Variants in TNXB observed in about 807,000 individuals in gnomAD.
TNXB encodes tenascin XB.
In TNXB, 183 loss-of-function variants were observed where a neutral mutation model predicts 340.5. That is an observed-to-expected ratio of 0.54 (90% CI 0.48 to 0.61). TNXB has a LOEUF of 0.61. TNXB is among the 20% of genes least tolerant of loss of function. The pLI is 0.00. For missense variants in TNXB, 4,613 were observed against 5,446.4 expected, an observed-to-expected ratio of 0.85 and a Z score of 4.82; for synonymous variants, 2,121 against 2,314.5, an observed-to-expected ratio of 0.92 and a Z score of 2.40.
At position 32,053,390 on chromosome 6, in the gene TNXB, G is replaced by A. The variant is rs1454202941; in HGVS notation, c.8789C>T (p.Thr2930Ile). 1.2e-6 allele frequency: 2 copies of A among 1,612,288 alleles called. No homozygotes were observed. The highest frequency in any genetic ancestry group is 1.7e-5 in the Admixed American group (1 of 60,010). ...TGGGGCTCCCATCGTACACTCACCT[G>A]TCACCCCAATGACAGAGATGGGGCC... ...RVGPISVIGV[T>I]AAEEETPAPT... is the part of the protein sequence containing the mutation. Residue 2930 changes from threonine to isoleucine, a missense_variant and splice_region_variant, in exon 25 of 44, where the codon ACA becomes ATA. Physicochemically the swap from Thr to Ile is moderately conservative, Grantham distance 89. Around this residue, in one of 7 missense-constraint regions of TNXB, gnomAD observed 4,327 missense variants for 4,859.4 expected, o/e 0.89. Transcript: ENST00000644971.
At position 32,081,485 on chromosome 6, in the gene TNXB, C is replaced by T; in HGVS notation, c.3925G>A (p.Gly1309Arg). The stretch of plus-strand genomic sequence containing the variant: ...GGGACAGTAACCTCATTCTCATCCC[C>T]CGCAACAGGCACTGCCTGGGGCTGC... ...QGQPQAVPVA[G>R]DENEVTVPGL... The change falls in exon 10 of 44, where the codon GGG becomes AGG. Residue 1309 changes from glycine (G) to arginine (R), a missense_variant. By Grantham distance (125) the Gly-to-Arg change is moderately radical (BLOSUM62 -2). This residue lies in a region of TNXB where 4,327 missense variants were observed against 4,859.4 expected (regional missense o/e 0.89). Coordinates refer to ENST00000644971, the MANE Select transcript of TNXB (RefSeq NM_001365276.2). This position sits in a 1 kb window ranked among gnomAD's most constrained non-coding sequence, Gnocchi z 5.1. 2.5e-6 allele frequency: 4 copies of T among 1,604,892 alleles called. No individual in the cohort carries two copies. Among genetic ancestry groups the T allele is most frequent in the Non-Finnish European group, 3.4e-6 (4 of 1,175,840 alleles).
In TNXB at chr6:32,097,017, C is replaced by T. The variant is rs1780440859; in HGVS notation, c.836G>A (p.Ser279Asn). ...GYTGDDCGMRSCPRGCSQRGR... is the reference protein window; with the variant it reads ...GYTGDDCGMRNCPRGCSQRGR... ...CCTCTGACTGCAACCGCGAGGGCAG[C>T]TCCTCATGCCACAGTCGTCACCAGT... The change falls in exon 3 of 44, where the codon AGC becomes AAC. Residue 279 changes from serine (S) to asparagine (N), a missense_variant. This residue lies in a region of TNXB where 4,327 missense variants were observed against 4,859.4 expected (regional missense o/e 0.89). Transcript: ENST00000644971. This position sits in a 1 kb window ranked among gnomAD's most constrained non-coding sequence, Gnocchi z 5.9. The T allele has an allele frequency of 1.2e-6, 2 of 1,612,570 alleles. No individual in the cohort carries two copies. The highest frequency in any genetic ancestry group is 1.7e-6 in the Non-Finnish European group (2 of 1,179,436).
rs1562783975 is a variant in TNXB, at chr6:32,047,159, G to A, written c.10324+575C>T. 2.0e-5 allele frequency among the ~76,000 whole-genome samples: 3 copies of A among 152,360 alleles called. No homozygotes were observed. Among genetic ancestry groups the A allele is most frequent in the Non-Finnish European group, 1.5e-5 (1 of 68,026 alleles). On this transcript the variant is annotated intron_variant, in intron 30 of 43. Transcript: ENST00000644971. The surrounding 1 kb of genome is among the most constrained non-coding windows in gnomAD (Gnocchi z 6.2). ...TTGGGAAGAGAATTACGGAGTCCCA[G>A]GGACCCAGGCCCAGACTGGCCGGCT... is the stretch of plus-strand genomic sequence containing the variant.
Position 32,095,137 on chromosome 6 carries a change from C to T in TNXB, c.2297G>A (p.Arg766Gln), listed in dbSNP as rs920263701. ...RMHLLEETTVRTEWTPAPGPV... is the reference protein window; with the variant it reads ...RMHLLEETTVQTEWTPAPGPV... ...GCCAGGAGCCGGGGTCCACTCTGTC[C>T]GAACTGTTGTCTCCTCCAAGAGATG... Residue 766 changes from arginine to glutamine, a missense_variant, in exon 4 of 44, where the codon CGG (arginine) becomes CAG (glutamine). Around this residue, in one of 7 missense-constraint regions of TNXB, gnomAD observed 4,327 missense variants for 4,859.4 expected, o/e 0.89. Coordinates refer to ENST00000644971, the MANE Select transcript of TNXB (RefSeq NM_001365276.2). 2.2e-5 allele frequency: 34 copies of T among 1,549,880 alleles called. No homozygotes were observed. Among genetic ancestry groups the T allele is most frequent in the Non-Finnish European group, 2.6e-5 (30 of 1,146,348 alleles).
rs370597188 is a variant in TNXB at position 32,061,937 on chromosome 6, T to C, written c.7169-217A>G. On this transcript the variant is annotated intron_variant, in intron 20 of 43. Transcript: ENST00000644971. This position sits in a 1 kb window ranked among gnomAD's most constrained non-coding sequence, Gnocchi z 4.4. ...ATTCCAGGGTCAGCTGTGGGGGACC[T>C]GGCACAGCCACCAGCACAGCAAAAC... 3.3e-5 allele frequency among the ~76,000 whole-genome samples: 5 copies of C among 152,172 alleles called. No homozygotes were observed. The highest frequency in any genetic ancestry group is 3.8e-4 in the East Asian group (2 of 5,196).
Position 32,068,481 on chromosome 6 carries a change from C to T in TNXB, c.6129G>A (p.Ser2043=), listed in dbSNP as rs780511835. Residue 2043 remains serine, a synonymous_variant, in exon 17 of 44, where the codon TCG becomes TCA. Coordinates refer to ENST00000644971, the MANE Select transcript of TNXB (RefSeq NM_001365276.2). The surrounding 1 kb of genome is among the most constrained non-coding windows in gnomAD (Gnocchi z 5.3). ...VPGHEEGVTI[S]GLEPDHKYKM... ...TGTATTTATGGTCTGGCTCCAGGCC[C>T]GAGATGGTGACCCCTTCCTCGTGCC... 1.2e-5 allele frequency: 20 copies of T among 1,613,742 alleles called. No homozygotes were observed. Among genetic ancestry groups the T allele is most frequent in the Admixed American group, 8.3e-5 (5 of 60,004 alleles).
Position 32,079,374 on chromosome 6 carries a change from A to C in TNXB, c.4043-9T>G. 1 of 1,594,498 alleles carries C rather than the reference A, an allele frequency of 6.3e-7. No individual in the cohort carries two copies. Among genetic ancestry groups the C allele is most frequent in the Non-Finnish European group, 8.5e-7 (1 of 1,169,784 alleles). ...CACATCCTCCTGAGGAGCTGAGAGA[A>C]GAGATAGAGGCATAAAGGGCTGCTG... is the stretch of plus-strand genomic sequence containing the variant. On this transcript the variant is annotated splice_polypyrimidine_tract_variant and intron_variant, in intron 10 of 43. Transcript: ENST00000644971. The surrounding 1 kb of genome is among the most constrained non-coding windows in gnomAD (Gnocchi z 7.1).
rs1233329061 is a variant in TNXB at position 32,070,435 on chromosome 6, T to C, written c.4991-21A>G. On this transcript the variant is annotated intron_variant, in intron 13 of 43. Transcript: ENST00000644971. The surrounding 1 kb of genome is among the most constrained non-coding windows in gnomAD (Gnocchi z 6.0). ...GGCAACTGGAGAGGAAAGGTTCTTGTGTTTATTTTTTCCAAAACGACTCCT... is the reference window on the plus strand; with the variant it reads ...GGCAACTGGAGAGGAAAGGTTCTTGCGTTTATTTTTTCCAAAACGACTCCT... The C allele has an allele frequency of 2.6e-6, 4 of 1,552,382 alleles. No individual in the cohort carries two copies. Among genetic ancestry groups the C allele is most frequent in the East Asian group, 4.6e-5 (2 of 43,854 alleles).
Position 32,048,467 on chromosome 6 carries a change from G to T in TNXB, c.9941C>A (p.Ala3314Glu). Residue 3314 changes from alanine to glutamate, a missense_variant, in exon 29 of 44, where the codon GCG (alanine) becomes GAG (glutamate). By Grantham distance (107) the Ala-to-Glu change is moderately radical. This residue lies in a region of TNXB where 4,327 missense variants were observed against 4,859.4 expected (regional missense o/e 0.89). Transcript: ENST00000644971. The stretch of plus-strand genomic sequence containing the variant: ...CGGGTCCAGCCCCGAGACGGCGACC[G>T]CTCGGAGGTCTCCGCTCACAGGCAC... ...QAVPVSGDLRAVAVSGLDPAR... is the reference protein window; with the variant it reads ...QAVPVSGDLREVAVSGLDPAR... 6.3e-7 allele frequency: 1 copy of T among 1,597,010 alleles called. No homozygotes were observed. Among genetic ancestry groups the T allele is most frequent in the Non-Finnish European group, 8.5e-7 (1 of 1,171,702 alleles).
chr6:32,079,889 C>T lies in TNXB; in HGVS notation c.4043-524G>A, dbSNP rs975467576. Among the ~76,000 whole-genome samples, 2 of 152,230 alleles carry T rather than the reference C, an allele frequency of 1.3e-5. No individual in the cohort carries two copies. The highest frequency in any genetic ancestry group is 2.4e-5 in the African/African-American group (1 of 41,452). ...GAGTGGGATCCAAGGAGAGACATGT[C>T]CTTCCCTGGCTGGCTCTGGAATCAC... On this transcript the variant is annotated intron_variant, in intron 10 of 43. Transcript: ENST00000644971. The surrounding 1 kb of genome is among the most constrained non-coding windows in gnomAD (Gnocchi z 7.1).
At position 32,095,160 on chromosome 6, in the gene TNXB, A is replaced by T; in HGVS notation, c.2274T>A (p.His758Gln). ...TCCGAACTGTTGTCTCCTCCAAGAGATGCATCCTCATGCCCTCAATGGTTG... is the reference window on the plus strand; with the variant it reads ...TCCGAACTGTTGTCTCCTCCAAGAGTTGCATCCTCATGCCCTCAATGGTTG... The part of the protein sequence containing the change: ...EVPTIEGMRM[H>Q]LLEETTVRTE... Residue 758 changes from histidine to glutamine, a missense_variant, in exon 4 of 44, where the codon CAT (histidine) becomes CAA (glutamine). This residue lies in a region of TNXB where 4,327 missense variants were observed against 4,859.4 expected (regional missense o/e 0.89). Coordinates refer to ENST00000644971, the MANE Select transcript of TNXB (RefSeq NM_001365276.2). 1 of 1,550,048 alleles carries T rather than the reference A, an allele frequency of 6.5e-7. No individual in the cohort carries two copies. The highest frequency in any genetic ancestry group is 8.7e-7 in the Non-Finnish European group (1 of 1,146,334).
chr6:32,048,027 G>C lies in TNXB; in HGVS notation c.10046-15C>G. The C allele has an allele frequency of 1.9e-6, 3 of 1,595,984 alleles. No individual in the cohort carries two copies. The highest frequency in any genetic ancestry group is 2.6e-6 in the Non-Finnish European group (3 of 1,168,782). On this transcript the variant is annotated splice_polypyrimidine_tract_variant and intron_variant, in intron 29 of 43. Transcript: ENST00000644971. The stretch of plus-strand genomic sequence containing the variant: ...GGTGTCTGGGGCTGGAAAAGACAGT[G>C]AGGTGCATGGAGAGTGGGATGGAGG...
In TNXB at chr6:32,074,619, A is replaced by C. The variant is rs1778978013; in HGVS notation, c.4376-667T>G. On this transcript the variant is annotated intron_variant, in intron 11 of 43. Coordinates refer to ENST00000644971, the MANE Select transcript of TNXB (RefSeq NM_001365276.2). This position sits in a 1 kb window ranked among gnomAD's most constrained non-coding sequence, Gnocchi z 5.5. ...TTGTGTGTCAAACTCAACAAGTCCA[A>C]AACTGAGCCTCTGAGCTTCCTGACA... Among the ~76,000 whole-genome samples the C allele has an allele frequency of 6.6e-6, 1 of 152,098 alleles. No individual in the cohort carries two copies. Among genetic ancestry groups the C allele is most frequent in the Non-Finnish European group, 1.5e-5 (1 of 68,016 alleles).
Position 32,074,599 on chromosome 6 carries a change from T to G in TNXB, c.4376-647A>C, listed in dbSNP as rs1281360933. On this transcript the variant is annotated intron_variant, in intron 11 of 43. Transcript: ENST00000644971. This position sits in a 1 kb window ranked among gnomAD's most constrained non-coding sequence, Gnocchi z 5.5. Reference sequence around the variant, plus strand: ...CGTCTTCCTTGGAGGCCTACTTGTGTGTCAAACTCAACAAGTCCAAAACTG... The same window carrying G: ...CGTCTTCCTTGGAGGCCTACTTGTGGGTCAAACTCAACAAGTCCAAAACTG... 6.6e-6 allele frequency among the ~76,000 whole-genome samples: 1 copy of G among 152,150 alleles called. No individual in the cohort carries two copies. The highest frequency in any genetic ancestry group is 1.5e-5 in the Non-Finnish European group (1 of 68,020).
At position 32,098,180 on chromosome 6, in the gene TNXB, C is replaced by G; in HGVS notation, c.19G>C (p.Ala7Pro). MMPAQY[A>P]LTSSLVLLVL... ...AGGAGAACCAGGCTGGAGGTTAGAG[C>G]ATACTGGGCTGGCATCATTCAGGAG... Residue 7 changes from alanine to proline, a missense_variant, in exon 2 of 44, where the codon GCT becomes CCT. This residue lies in a region of TNXB where 4,327 missense variants were observed against 4,859.4 expected (regional missense o/e 0.89). Coordinates refer to ENST00000644971, the MANE Select transcript of TNXB (RefSeq NM_001365276.2). 6.5e-7 allele frequency: 1 copy of G among 1,537,126 alleles called. No homozygotes were observed. The highest frequency in any genetic ancestry group is 1.9e-5 in the Admixed American group (1 of 51,516).
intron 1 of TNXB, among the ~76,000 whole-genome samples, chr6:32,106,301 G>A (rs554265310): frequency 6.6e-6 from 1 of 152,106 alleles, no homozygotes; most frequent in South Asian, 2.1e-4. Flanking sequence ...CAGGAGACAG[G>A]GCTATGGCAA....
chr6:32,078,073 GAGAAAGAA>G (rs57498424), intron 11 of TNXB, among the ~76,000 whole-genome samples: 10,014 of 124,908 alleles, frequency 0.08, 449 homozygotes, highest in Middle Eastern at 0.18. Context: ...CAGAAAGAAA[GAGAAAGAA>G]AGAAAGAAAG....
chr6:32,077,659 G>A (rs577769797), intron 11 of TNXB, among the ~76,000 whole-genome samples: 1 of 152,186 alleles, frequency 6.6e-6, no homozygotes, highest in Admixed American at 6.5e-5. Context: ...ATGTGGCCCT[G>A]TAACCAGGCC....
In TNXB at chr6:32,068,921, T is replaced by G. The variant is rs756792194; in HGVS notation, c.5803A>C (p.Thr1935Pro). The change falls in exon 16 of 44, where the codon ACC (threonine) becomes CCC (proline). Residue 1935 changes from threonine to proline, a missense_variant. By Grantham distance (38) the Thr-to-Pro change is conservative. Around this residue, in one of 7 missense-constraint regions of TNXB, gnomAD observed 4,327 missense variants for 4,859.4 expected, o/e 0.89. Coordinates refer to ENST00000644971, the MANE Select transcript of TNXB (RefSeq NM_001365276.2). The surrounding 1 kb of genome is among the most constrained non-coding windows in gnomAD (Gnocchi z 5.3). ...TGGTCGGATTCCAGGCCAGAGAGGG[T>G]GATGTCATTCCGGTCACCTCCTATG... ...VRIGGDRNDI[T>P]LSGLESDHRY... 1 of 1,612,492 alleles carries G rather than the reference T, an allele frequency of 6.2e-7. No individual in the cohort carries two copies. Among genetic ancestry groups the G allele is most frequent in the East Asian group, 2.2e-5 (1 of 44,884 alleles).
Sources: allele counts gnomAD v4.1 joint callset (sites outside exome capture counted in the v4.1 genomes callset), GRCh38; gene constraint gnomAD v4.1.1; regional missense constraint gnomAD v4.1.1; non-coding constraint Gnocchi (gnomAD v3.1); transcripts MANE v1.5; gene names NCBI Gene and HGNC (gene_info 2026-07-23, HGNC 2026-07-21).